The following NRIP1 variants were observed in gnomAD, a reference collection of about 807,000 sequenced individuals.
The protein encoded by NRIP1 is nuclear receptor interacting protein 1.
Under a neutral mutation model 75.0 loss-of-function variants are expected in NRIP1, and 28 were observed. The observed-to-expected ratio is 0.37, with a 90% CI of 0.28 to 0.51. The LOEUF (loss-of-function observed/expected upper bound fraction) is 0.51. Ranked by LOEUF, NRIP1 falls within the 20% of genes least tolerant of loss-of-function variation. The pLI is 0.92. For missense variants in NRIP1, 1,435 were observed against 1,343.7 expected (o/e 1.07, Z -1.06); for synonymous variants, 526 against 487.6 (o/e 1.08, Z -1.04).
At chr21:15,036,056 A>G (rs942438309) in intron 2 of NRIP1, among the ~76,000 whole-genome samples, 4 of 152,238 alleles carry the variant, frequency 2.6e-5, no homozygotes, top group Non-Finnish European at 4.4e-5. Flanking sequence ...TAACTTTAAT[A>G]ACACTCCTTG....
chr21:14,975,707 G>T (rs578150801), intron 3 of NRIP1, among the ~76,000 whole-genome samples: 2 of 150,862 alleles, frequency 1.3e-5, no homozygotes, highest in Non-Finnish European at 1.5e-5. Flanking sequence ...GGAATAGAAT[G>T]ACGGTAAAAC....
At chr21:15,045,903 C>T (rs918036408) in intron 1 of NRIP1, among the ~76,000 whole-genome samples, 3 of 152,300 alleles carry the variant, frequency 2.0e-5, no homozygotes, top group East Asian at 1.9e-4. Flanking sequence ...ACTCCTCATC[C>T]GTCCATGTTT....
chr21:15,048,954 T>G (rs1223225781), intron 1 of NRIP1, among the ~76,000 whole-genome samples: 1 of 151,630 alleles, frequency 6.6e-6, no homozygotes, highest in Non-Finnish European at 1.5e-5. Flanking sequence ...TTAAAATATA[T>G]CATACAAATA....
chr21:15,052,669 G>A (rs2089226714), intron 1 of NRIP1, among the ~76,000 whole-genome samples: 1 of 152,014 alleles, frequency 6.6e-6, no homozygotes, highest in Non-Finnish European at 1.5e-5. Flanking sequence ...TTTCAAATAC[G>A]TCTTTTTTAC....
chr21:15,060,755 T>G (rs554970403), intron 1 of NRIP1, among the ~76,000 whole-genome samples: 29 of 152,270 alleles, frequency 1.9e-4, no homozygotes, highest in African/African-American at 6.7e-4. Context: ...TATATAATAT[T>G]GCTGGCCTCC....
At position 14,966,533 on chromosome 21, in the gene NRIP1, G is replaced by A. The variant is rs756522136; in HGVS notation, c.1660C>T (p.Pro554Ser). ...GCTTTGCTTGATGTAAGTAAAGGTGGAGTGCTCACTGGAGTAGTCCGATTT... is the reference window on the plus strand; with the variant it reads ...GCTTTGCTTGATGTAAGTAAAGGTGAAGTGCTCACTGGAGTAGTCCGATTT... ...STNRTTPVSTPPLLTSSKAGS... is the reference protein window; with the variant it reads ...STNRTTPVSTSPLLTSSKAGS... Residue 554 changes from proline (P) to serine (S), a missense_variant, in exon 4 of 4, where the codon CCA becomes TCA. By Grantham distance (74) the Pro-to-Ser change is moderately conservative. Coordinates refer to ENST00000318948, the MANE Select transcript of NRIP1 (RefSeq NM_003489.4). The A allele has an allele frequency of 3.7e-6, 6 of 1,614,104 alleles. No individual in the cohort carries two copies. In the Admixed American group the frequency reaches 5.0e-5, roughly 13 times the overall value.
Position 14,963,737 on chromosome 21 carries a change from T to G in NRIP1, c.*979A>C, listed in dbSNP as rs1418908351. On this transcript the variant is annotated 3_prime_UTR_variant, in exon 4 of 4. Coordinates refer to ENST00000318948, the MANE Select transcript of NRIP1 (RefSeq NM_003489.4). ...AGATGCTGCCTATGAATCTGCATTT[T>G]AAAACAAGTGCTCCAGATGGTTCTA... is the stretch of plus-strand genomic sequence containing the variant. 6.6e-6 allele frequency: 1 copy of G among 152,090 alleles called. No homozygotes were observed. Among genetic ancestry groups the G allele is most frequent in the Non-Finnish European group, 1.5e-5 (1 of 67,994 alleles). The allele number at this position is 152,090 out of a possible 1,614,324, so 9.4% of individuals were successfully genotyped here.
intron 3 of NRIP1, among the ~76,000 whole-genome samples, chr21:15,000,093 A>G (rs966849795): frequency 2.0e-5 from 3 of 152,240 alleles, no homozygotes; most frequent in Non-Finnish European, 4.4e-5. Context: ...AAGAACTCAA[A>G]GCACACATTT....
chr21:14,979,241 A>G (rs955963526), intron 3 of NRIP1, among the ~76,000 whole-genome samples: 7 of 152,230 alleles, frequency 4.6e-5, no homozygotes, highest in Non-Finnish European at 1.5e-5. Flanking sequence ...GCTTTCTATC[A>G]GTTTTCAAGA....
At chr21:14,994,181 G>A (rs1448076769) in intron 3 of NRIP1, among the ~76,000 whole-genome samples, 3 of 152,146 alleles carry the variant, frequency 2.0e-5, no homozygotes, top group South Asian at 2.1e-4. Context: ...CTGGAGTGCA[G>A]TGGTACGATC....
intron 3 of NRIP1, among the ~76,000 whole-genome samples, chr21:14,983,000 C>A (rs1246189291): frequency 3.9e-5 from 6 of 152,146 alleles, no homozygotes; most frequent in Admixed American, 3.3e-4. Flanking sequence ...CTGTTCCCAT[C>A]TCTCTCCCTC....
At chr21:14,989,228 T>A (rs1250317572) in intron 3 of NRIP1, among the ~76,000 whole-genome samples, 1 of 152,156 alleles carries the variant, frequency 6.6e-6, no homozygotes, top group East Asian at 1.9e-4. Context: ...TGCCTTTACC[T>A]CACGTATGGT....
chr21:14,979,498 G>A (rs1047119406), intron 3 of NRIP1, among the ~76,000 whole-genome samples: 1 of 152,156 alleles, frequency 6.6e-6, no homozygotes, highest in Admixed American at 6.6e-5. Context: ...TAACCAGCTG[G>A]CTTTTGATCA....
chr21:15,044,633 T>C (rs764884130), intron 1 of NRIP1, among the ~76,000 whole-genome samples: 6 of 152,180 alleles, frequency 3.9e-5, no homozygotes, highest in Non-Finnish European at 8.8e-5. Flanking sequence ...TCACAGATTA[T>C]AGCTTTGAAT....
chr21:15,026,030 G>A (rs2088510974), intron 2 of NRIP1, among the ~76,000 whole-genome samples: 1 of 152,090 alleles, frequency 6.6e-6, no homozygotes, highest in African/African-American at 2.4e-5. Flanking sequence ...TGATTTTGAT[G>A]GTTTTGTTGT....
chr21:14,995,383 T>C (rs2087692900), intron 3 of NRIP1, among the ~76,000 whole-genome samples: 1 of 152,230 alleles, frequency 6.6e-6, no homozygotes, highest in African/African-American at 2.4e-5. Flanking sequence ...AAACCTGGGA[T>C]ACAAGGCCTT....
intron 1 of NRIP1, among the ~76,000 whole-genome samples, chr21:15,053,023 C>G (rs907509527): frequency 6.6e-6 from 1 of 152,064 alleles, no homozygotes; most frequent in Non-Finnish European, 1.5e-5. Flanking sequence ...TGTTGACTGC[C>G]CAAAGGCCCA....
chr21:15,056,759 T>A (rs1482912548), intron 1 of NRIP1, among the ~76,000 whole-genome samples: 1 of 152,244 alleles, frequency 6.6e-6, no homozygotes, highest in Non-Finnish European at 1.5e-5. Flanking sequence ...TTTACACGTC[T>A]TATTATTCAT....
In NRIP1 at chr21:14,966,457, G is replaced by A. The variant is rs770448483; in HGVS notation, c.1736C>T (p.Ser579Phe). The A allele has an allele frequency of 1.5e-5, 25 of 1,614,114 alleles. 1 individual carries two copies. The South Asian group carries it at 2.6e-4, about 17-fold the overall frequency. The change falls in exon 4 of 4, where the codon TCC becomes TTC. Residue 579 changes from serine to phenylalanine, a missense_variant. By Grantham distance (155) the Ser-to-Phe change is radical. Transcript: ENST00000318948. ...SQHSLVIKWN[S>F]PPYVCSTQSE... ...CTGAGTACTGCAGACATATGGTGGG[G>A]AATTCCATTTGATGACCAGAGAGTG...
Sources: gnomAD v4.1 joint callset for allele counts (sites outside exome capture counted in the v4.1 genomes callset) on GRCh38, gnomAD v4.1.1 for gene constraint, MANE v1.5 for transcripts, NCBI Gene and HGNC (gene_info 2026-07-23, HGNC 2026-07-21) for gene names.